Variants in DIP2C observed in about 807,000 individuals in gnomAD.
The protein encoded by DIP2C is DIP2 acetate--CoA ligase C (putative).
In DIP2C, 33 loss-of-function variants were observed where a neutral mutation model predicts 192.4. The observed-to-expected ratio is 0.17, with a 90% CI of 0.13 to 0.23. The LOEUF (loss-of-function observed/expected upper bound fraction) is 0.23, where lower values mean the gene tolerates loss of function less well. Ranked by LOEUF, DIP2C falls within the 10% of genes least tolerant of loss-of-function variation. The probability of loss-of-function intolerance (pLI) is 1.00; values close to 1 mark genes in which losing one functional copy is unlikely to be tolerated. For synonymous variants in DIP2C, 979 were observed against 864.1 expected (o/e 1.13, Z -2.33); for missense variants, 1,537 against 2,110.1 (o/e 0.73, Z 5.32).
chr10:493,446 GT>G (rs1844594083), intron 1 of DIP2C, among the ~76,000 whole-genome samples: 1 of 152,108 alleles, frequency 6.6e-6, no homozygotes, highest in Non-Finnish European at 1.5e-5. Flanking sequence ...ATTTTTTGGT[GT>G]TGGGGGGAGC....
At chr10:467,594 T>G (rs1232631743) in intron 3 of DIP2C, among the ~76,000 whole-genome samples, 1 of 138,832 alleles carries the variant, frequency 7.2e-6, no homozygotes, top group East Asian at 2.1e-4. Flanking sequence ...AAATGTGGCA[T>G]ATATATACCA....
chr10:390,592 C>G, intron 11 of DIP2C, 148 bp downstream of exon 11: 1 of 1,377,760 alleles, frequency 7.3e-7, no homozygotes, highest in South Asian at 1.4e-5. Context: ...GCTGTGTCAT[C>G]AGGGACGAGA....
chr10:575,726 G>T (rs545532855), intron 1 of DIP2C, among the ~76,000 whole-genome samples: 1 of 152,204 alleles, frequency 6.6e-6, no homozygotes, highest in Non-Finnish European at 1.5e-5. Context: ...GTCATAGGGA[G>T]GGCAGGGCAA....
chr10:458,389 G>C (rs1002121846), intron 3 of DIP2C, among the ~76,000 whole-genome samples: 5 of 152,208 alleles, frequency 3.3e-5, no homozygotes, highest in African/African-American at 1.2e-4. Context: ...ATTAAACTTC[G>C]GCATAGAGGA....
intron 14 of DIP2C, among the ~76,000 whole-genome samples, chr10:385,363 G>A (rs970831579): frequency 7.9e-5 from 12 of 152,182 alleles, no homozygotes; most frequent in African/African-American, 2.7e-4. Flanking sequence ...GAACTCCACT[G>A]CTTTCCCTAA....
Position 688,827 on chromosome 10 carries a change from C to A in DIP2C, c.85+667G>T, listed in dbSNP as rs368356733. On this transcript the variant is annotated intron_variant, in intron 1 of 36. Transcript: ENST00000280886. The stretch of plus-strand genomic sequence containing the variant: ...GAGGACCAGGACGGCAAGGCCGGAG[C>A]CCGGCCCGGGGGGAGGTTGACGATT... Among the ~76,000 whole-genome samples, 26 of 152,362 alleles carry A rather than the reference C, an allele frequency of 1.7e-4. No homozygotes were observed. The East Asian group carries it at 4.4e-3, about 26-fold the overall frequency.
At chr10:378,042 G>A (rs764095929) in intron 17 of DIP2C, among the ~76,000 whole-genome samples, 2 of 152,098 alleles carry the variant, frequency 1.3e-5, no homozygotes, top group Admixed American at 6.5e-5. Flanking sequence ...GAGATTTAGG[G>A]GATACTTGTA....
At chr10:316,161 T>C (rs1956764806) in intron 31 of DIP2C, among the ~76,000 whole-genome samples, 1 of 152,208 alleles carries the variant, frequency 6.6e-6, no homozygotes, top group Non-Finnish European at 1.5e-5. Flanking sequence ...TCTAGGGCCA[T>C]CTCCTCTCAT....
At chr10:668,449 A>G (rs1857247981) in intron 1 of DIP2C, 3 of 152,230 alleles carry the variant, frequency 2.0e-5, no homozygotes, top group Admixed American at 2.0e-4. Flanking sequence ...CATGCAACTC[A>G]TACAACATAC....
In DIP2C at chr10:442,943, T is replaced by C. The variant is rs745869567; in HGVS notation, c.269-1947A>G. Among the ~76,000 whole-genome samples the C allele has an allele frequency of 3.9e-5, 6 of 152,392 alleles. No homozygotes were observed. The South Asian group carries it at 1.2e-3, about 32-fold the overall frequency. On this transcript the variant is annotated intron_variant, in intron 3 of 36. Coordinates refer to ENST00000280886, the MANE Select transcript of DIP2C (RefSeq NM_014974.3). Reference sequence around the variant, plus strand: ...GTGAATCCAAGTTTCTCAGCTTTTTTGTTTCTTGAAATTGGAAATTTTCAA... The same window carrying C: ...GTGAATCCAAGTTTCTCAGCTTTTTCGTTTCTTGAAATTGGAAATTTTCAA...
chr10:387,889 G>C, intron 13 of DIP2C, 80 bp from the exon 14 acceptor site: 2 of 1,374,510 alleles, frequency 1.5e-6, no homozygotes, highest in South Asian at 2.3e-5. Flanking sequence ...ATCCAATATT[G>C]CATCAGGGGA....
At chr10:369,948 G>A in intron 17 of DIP2C, 1 of 985,112 alleles carries the variant, frequency 1.0e-6, no homozygotes, top group Non-Finnish European at 1.2e-6. Flanking sequence ...CTCCCTCCAG[G>A]CCCTGCACAG....
At chr10:313,963 A>G (rs1222755932) in intron 31 of DIP2C, among the ~76,000 whole-genome samples, 1 of 152,246 alleles carries the variant, frequency 6.6e-6, no homozygotes, top group East Asian at 1.9e-4. Context: ...ACATAGGGCT[A>G]TAGTAAATAG....
At chr10:451,250 C>T (rs963582674) in intron 3 of DIP2C, among the ~76,000 whole-genome samples, 2 of 152,080 alleles carry the variant, frequency 1.3e-5, no homozygotes, top group Non-Finnish European at 2.9e-5. Flanking sequence ...CAGTGCAGTC[C>T]TACAAACAGA....
chr10:489,473 C>G (rs1421564117), intron 1 of DIP2C, among the ~76,000 whole-genome samples: 1 of 152,258 alleles, frequency 6.6e-6, no homozygotes, highest in Non-Finnish European at 1.5e-5. Flanking sequence ...GCTGACTACA[C>G]AGTATCCTCC....
chr10:384,230 G>C (rs1427529246), intron 15 of DIP2C, 84 bp from the exon 16 acceptor site: 1 of 1,536,824 alleles, frequency 6.5e-7, no homozygotes, highest in African/African-American at 1.4e-5. Flanking sequence ...GTGAGTAGTG[G>C]GGAAGGGTGA....
intron 22 of DIP2C, among the ~76,000 whole-genome samples, chr10:358,434 G>A (rs1317504259): frequency 6.7e-6 from 1 of 148,854 alleles, no homozygotes; most frequent in Non-Finnish European, 1.5e-5. Flanking sequence ...CTGTGGACGG[G>A]ACAGGATAGA....
At chr10:614,006 T>C (rs1257246859) in intron 1 of DIP2C, among the ~76,000 whole-genome samples, 2 of 152,200 alleles carry the variant, frequency 1.3e-5, no homozygotes, top group African/African-American at 4.8e-5. Flanking sequence ...GGCATTATCC[T>C]AAACCAGTGC....
chr10:419,607 TG>T (rs1353608352), intron 5 of DIP2C, among the ~76,000 whole-genome samples: 1 of 152,184 alleles, frequency 6.6e-6, no homozygotes, highest in African/African-American at 2.4e-5. Context: ...CTGGGGATTT[TG>T]GGATGTCCCT....
Sources: gnomAD v4.1 joint callset for allele counts (sites outside exome capture counted in the v4.1 genomes callset) on GRCh38, gnomAD v4.1.1 for gene constraint, MANE v1.5 for transcripts, NCBI Gene and HGNC (gene_info 2026-07-23, HGNC 2026-07-21) for gene names.